The following BSPH1 variants were observed in gnomAD, a reference collection of about 807,000 sequenced individuals.
BSPH1 encodes the protein binder of sperm 1.
Under a neutral mutation model 22.5 loss-of-function variants are expected in BSPH1, and 21 were observed. The observed-to-expected ratio is 0.93, with a 90% CI of 0.66 to 1.35. The LOEUF (loss-of-function observed/expected upper bound fraction) is 1.35, where lower values mean the gene tolerates loss of function less well. BSPH1 is among the 40% of genes most tolerant of loss of function. The pLI is 0.00. For missense variants in BSPH1, 141 were observed against 154.2 expected (o/e 0.91, Z 0.45); for synonymous variants, 42 against 53.6 (o/e 0.78, Z 0.95).
intron 1 of BSPH1, among the ~76,000 whole-genome samples, chr19:47,982,712 G>A (rs963123684): frequency 2.0e-4 from 31 of 152,256 alleles, no homozygotes; most frequent in South Asian, 4.2e-4. Flanking sequence ...CCACATGTCC[G>A]TGAGCAAATG....
At chr19:47,982,934 T>C (rs1316903574) in intron 1 of BSPH1, among the ~76,000 whole-genome samples, 2 of 151,988 alleles carry the variant, frequency 1.3e-5, no homozygotes, top group African/African-American at 4.8e-5. Flanking sequence ...AGCAGAATGG[T>C]GGTTGTTAGG....
At chr19:47,976,097 T>C (rs144610421) in intron 5 of BSPH1, among the ~76,000 whole-genome samples, 108 of 152,318 alleles carry the variant, frequency 7.1e-4, no homozygotes, top group African/African-American at 2.5e-3. Flanking sequence ...TTTGTTGCAA[T>C]TGATGAATCT....
At chr19:47,973,233 T>TAATAAA (rs1969328844) in intron 5 of BSPH1, among the ~76,000 whole-genome samples, 1 of 116,456 alleles carries the variant, frequency 8.6e-6, no homozygotes, top group Non-Finnish European at 1.7e-5. Flanking sequence ...ATAATAATAA[T>TAATAAA]AATAATAATA....
At chr19:47,971,331 G>C (rs1267947055) in intron 5 of BSPH1, among the ~76,000 whole-genome samples, 1 of 152,102 alleles carries the variant, frequency 6.6e-6, no homozygotes, top group Non-Finnish European at 1.5e-5. Context: ...TCAGCCTCCG[G>C]AGTAGCTGGG....
intron 1 of BSPH1, among the ~76,000 whole-genome samples, chr19:47,984,849 G>C (rs1199854523): frequency 6.6e-6 from 1 of 152,010 alleles, no homozygotes; most frequent in African/African-American, 2.4e-5. Context: ...AGCTGAGGTG[G>C]ACTGATCATG....
At chr19:47,971,142 G>C (rs1969307427) in intron 5 of BSPH1, among the ~76,000 whole-genome samples, 1 of 151,960 alleles carries the variant, frequency 6.6e-6, no homozygotes, top group African/African-American at 2.4e-5. Flanking sequence ...CCCTGCTTTG[G>C]CTCTTCCTAC....
chr19:47,986,292 G>A (rs1348455838), intron 1 of BSPH1, among the ~76,000 whole-genome samples: 1 of 152,186 alleles, frequency 6.6e-6, no homozygotes, highest in Non-Finnish European at 1.5e-5. Context: ...CGAATCTAGA[G>A]AATGTCAGAA....
chr19:47,968,992 C>T (rs1302585643), intron 5 of BSPH1, among the ~76,000 whole-genome samples: 12 of 142,660 alleles, frequency 8.4e-5, no homozygotes, highest in Admixed American at 8.1e-4. Context: ...GAGCGAGACC[C>T]TATCTCAGAT....
intron 5 of BSPH1, among the ~76,000 whole-genome samples, chr19:47,970,056 T>C (rs1258941208): frequency 2.6e-5 from 4 of 152,136 alleles, no homozygotes; most frequent in Non-Finnish European, 5.9e-5. Context: ...TTTTGTTTTA[T>C]TTTATTTTTA....
intron 5 of BSPH1, among the ~76,000 whole-genome samples, chr19:47,969,821 T>C (rs567639635): frequency 6.6e-6 from 1 of 151,378 alleles, no homozygotes; most frequent in Non-Finnish European, 1.5e-5. Flanking sequence ...TGTGTGTGTG[T>C]GAGAGAGAGA....
At chr19:47,979,544 T>G in intron 3 of BSPH1, 26 bp downstream of exon 3, 1 of 1,147,552 alleles carries the variant, frequency 8.7e-7, no homozygotes, top group African/African-American at 1.6e-5. Flanking sequence ...TATACATTAA[T>G]AATCAAAGTT....
At chr19:47,988,369 G>C (rs757090260) in intron 1 of BSPH1, among the ~76,000 whole-genome samples, 1 of 152,112 alleles carries the variant, frequency 6.6e-6, no homozygotes, top group Non-Finnish European at 1.5e-5. Flanking sequence ...CAAGAATCAC[G>C]ATCCTCCTGT....
At chr19:47,991,468 TTCC>T (rs943573276) in intron 1 of BSPH1, among the ~76,000 whole-genome samples, 5 of 120,632 alleles carry the variant, frequency 4.1e-5, no homozygotes, top group African/African-American at 9.4e-5. Context: ...CCTCCTTCCT[TTCC>T]TCCTCCTTCT....
intron 1 of BSPH1, among the ~76,000 whole-genome samples, chr19:47,988,813 C>CA (rs1157363561): frequency 6.6e-6 from 1 of 152,142 alleles, no homozygotes; most frequent in African/African-American, 2.4e-5. Flanking sequence ...TTAGGCAACC[C>CA]ATCAAGTTGG....
chr19:47,991,083 C>T (rs1166402111), intron 1 of BSPH1, among the ~76,000 whole-genome samples: 1 of 152,178 alleles, frequency 6.6e-6, no homozygotes, highest in Non-Finnish European at 1.5e-5. Context: ...GCAAGGGAGA[C>T]TGTTGCCCTC....
At chr19:47,984,177 T>A (rs1448388822) in intron 1 of BSPH1, among the ~76,000 whole-genome samples, 3 of 146,174 alleles carry the variant, frequency 2.1e-5, no homozygotes, top group Non-Finnish European at 3.0e-5. Flanking sequence ...TATATATATA[T>A]ATAATATAAA....
chr19:47,976,564 C>T (rs1035590127), intron 5 of BSPH1, 146 bp downstream of exon 5: 3 of 631,026 alleles, frequency 4.8e-6, no homozygotes, highest in Admixed American at 6.7e-5. Context: ...AGTTAGATCA[C>T]CTTCAACTCA....
chr19:47,979,091 T>C (rs1969394540), intron 3 of BSPH1, among the ~76,000 whole-genome samples: 1 of 152,144 alleles, frequency 6.6e-6, no homozygotes, highest in South Asian at 2.1e-4. Flanking sequence ...CCAGCAAGCA[T>C]CACAAAATAT....
At chr19:47,990,118 C>CAAA (rs11329791) in intron 1 of BSPH1, among the ~76,000 whole-genome samples, 35 of 99,658 alleles carry the variant, frequency 3.5e-4, no homozygotes, top group South Asian at 8.3e-4. Flanking sequence ...GACTCCATCT[C>CAAA]AAAAAAAAAA....
Sources: gnomAD v4.1 joint callset for allele counts (sites outside exome capture counted in the v4.1 genomes callset) on GRCh38, gnomAD v4.1.1 for gene constraint, MANE v1.5 for transcripts, NCBI Gene and HGNC (gene_info 2026-07-23, HGNC 2026-07-21) for gene names.